The following FMN1 variants were observed in gnomAD, a reference collection of about 807,000 sequenced individuals.
FMN1 encodes formin-1.
Under a neutral mutation model 132.4 loss-of-function variants are expected in FMN1, and 110 were observed. The observed-to-expected ratio is 0.83, with a 90% confidence interval of 0.71 to 0.97. FMN1 has a LOEUF of 0.97. Ranked by LOEUF, FMN1 falls within the 50% of genes least tolerant of loss-of-function variation. FMN1 has a pLI of 0.00. For synonymous variants in FMN1, 722 were observed against 651.7 expected (o/e 1.11, Z -1.64); for missense variants, 1,792 against 1,705.3 (o/e 1.05, Z -0.90).
intron 9 of FMN1, among the ~76,000 whole-genome samples, chr15:32,945,713 G>C (rs184586044): frequency 2.3e-3 from 357 of 152,262 alleles, no homozygotes; most frequent in Middle Eastern, 0.02. Flanking sequence ...CTTTGATTTA[G>C]AGGGTATCCA....
chr15:33,027,810 G>A (rs949557126), intron 6 of FMN1, among the ~76,000 whole-genome samples: 2 of 152,150 alleles, frequency 1.3e-5, no homozygotes, highest in Non-Finnish European at 2.9e-5. Flanking sequence ...CTTGTAGAGG[G>A]TTAGAAATAT....
chr15:33,069,385 T>C (rs1252666884), intron 5 of FMN1, among the ~76,000 whole-genome samples: 2 of 152,202 alleles, frequency 1.3e-5, no homozygotes, highest in Non-Finnish European at 2.9e-5. Context: ...ACTGTTCTGG[T>C]TGGAGAGGCA....
intron 4 of FMN1, among the ~76,000 whole-genome samples, chr15:33,128,737 G>T (rs552927744): frequency 3.3e-5 from 5 of 152,194 alleles, no homozygotes; most frequent in Non-Finnish European, 5.9e-5. Flanking sequence ...TCTTAAAGGT[G>T]ATGTGGTGAA....
chr15:33,077,443 C>T (rs187710223), intron 5 of FMN1, among the ~76,000 whole-genome samples: 226 of 150,866 alleles, frequency 1.5e-3, no homozygotes, highest in African/African-American at 5.1e-3. Flanking sequence ...TATACATGTG[C>T]CACGTTGGTG....
intron 16 of FMN1, among the ~76,000 whole-genome samples, chr15:32,860,268 A>G (rs1044117430): frequency 6.6e-6 from 1 of 151,962 alleles, no homozygotes; most frequent in Non-Finnish European, 1.5e-5. Flanking sequence ...AGGGGAAAGG[A>G]AAGAAAGAAA....
At chr15:32,846,008 A>G (rs1487751656) in intron 17 of FMN1, among the ~76,000 whole-genome samples, 1 of 152,120 alleles carries the variant, frequency 6.6e-6, no homozygotes, top group African/African-American at 2.4e-5. Context: ...AAAATCACAT[A>G]GAAAGGTTAA....
In FMN1 at chr15:32,781,112, T is replaced by C. The variant is rs189493078; in HGVS notation, c.4131-4193A>G. Among the ~76,000 whole-genome samples, 229 of 152,328 alleles carry C rather than the reference T, an allele frequency of 1.5e-3. 2 individuals carry two copies. The highest frequency in any genetic ancestry group is 5.2e-3 in the African/African-American group (215 of 41,582). On this transcript the variant is annotated intron_variant, in intron 19 of 20. Coordinates refer to ENST00000616417, the MANE Select transcript of FMN1 (RefSeq NM_001277313.2). ...AATATATGATGCATGTTAATAGTTA[T>C]AATTCTAGGTAGTGGGAATATGGGT...
At chr15:33,037,828 A>G (rs1384073620) in intron 6 of FMN1, among the ~76,000 whole-genome samples, 1 of 152,258 alleles carries the variant, frequency 6.6e-6, no homozygotes, top group Non-Finnish European at 1.5e-5. Context: ...ATTTTTCTGA[A>G]AAATAACATG....
intron 4 of FMN1, chr15:33,150,186 T>C (rs755256662): frequency 5.7e-5 from 56 of 985,268 alleles, no homozygotes; most frequent in African/African-American, 1.2e-4. Flanking sequence ...AGGGTTTACT[T>C]TGAATCAAAG....
intron 9 of FMN1, among the ~76,000 whole-genome samples, chr15:32,928,736 G>C (rs1244270461): frequency 6.6e-6 from 1 of 152,164 alleles, no homozygotes; most frequent in East Asian, 1.9e-4. Context: ...CACAGGAACA[G>C]GATCAAATTT....
chr15:33,154,653 A>G lies in FMN1; in HGVS notation c.262T>C (p.Tyr88His), dbSNP rs1208823540. 1 of 1,536,100 alleles carries G rather than the reference A, an allele frequency of 6.5e-7. No individual in the cohort carries two copies. The highest frequency in any genetic ancestry group is 2.0e-5 in the Admixed American group (1 of 51,000). ...CTCTCCCTCTCTGTTGTGAGTTTGT[A>G]CAGCTCAGTTAGAATGTCTTTCGTG... ...TPTKDILTEL[Y>H]KLTTERERLL... The change falls in exon 4 of 21, where the codon TAC becomes CAC. Residue 88 changes from tyrosine (Y) to histidine (H), a missense_variant. Around this residue, in one of 3 missense-constraint regions of FMN1, gnomAD observed 638 missense variants for 645.2 expected, o/e 0.99. Transcript: ENST00000616417.
At position 32,953,371 on chromosome 15, in the gene FMN1, C is replaced by T. The variant is rs79311643; in HGVS notation, c.3138+10736G>A. 4.4e-3 allele frequency among the ~76,000 whole-genome samples: 664 copies of T among 152,288 alleles called. 8 individuals are homozygous for T. Among genetic ancestry groups the T allele is most frequent in the African/African-American group, 0.016 (645 of 41,558 alleles). On this transcript the variant is annotated intron_variant, in intron 9 of 20. Transcript: ENST00000616417. The stretch of plus-strand genomic sequence containing the variant: ...TTTTTTAGCTGCTGCACACAGGAAG[C>T]CTCCTGGGCTGAGGCATAACTCAGA...
chr15:32,935,394 T>G (rs970920338), intron 9 of FMN1, among the ~76,000 whole-genome samples: 1 of 152,160 alleles, frequency 6.6e-6, no homozygotes. Context: ...AAAATTCTCT[T>G]TTTTGTCTTT....
chr15:32,907,529 G>A (rs2141642172), intron 12 of FMN1, among the ~76,000 whole-genome samples: 1 of 151,970 alleles, frequency 6.6e-6, no homozygotes, highest in Non-Finnish European at 1.5e-5. Context: ...GCTGGTACCA[G>A]TCTGTGGCCC....
intron 4 of FMN1, among the ~76,000 whole-genome samples, chr15:33,113,798 A>C (rs1231214825): frequency 6.6e-6 from 1 of 152,152 alleles, no homozygotes; most frequent in Non-Finnish European, 1.5e-5. Flanking sequence ...CTCCTTCCAG[A>C]CGGTCTTACA....
chr15:32,984,741 T>C (rs570599701), intron 7 of FMN1, among the ~76,000 whole-genome samples: 162 of 152,126 alleles, frequency 1.1e-3, no homozygotes, highest in African/African-American at 3.9e-3. Flanking sequence ...CTAAGTGAAA[T>C]TCAACATTTT....
At chr15:32,959,798 A>C (rs2030295252) in intron 9 of FMN1, among the ~76,000 whole-genome samples, 1 of 152,270 alleles carries the variant, frequency 6.6e-6, no homozygotes, top group South Asian at 2.1e-4. Flanking sequence ...ATTCACCAAA[A>C]CAGAAGTGAA....
At chr15:33,016,680 G>A (rs11637841) in intron 6 of FMN1, among the ~76,000 whole-genome samples, 7 of 152,256 alleles carry the variant, frequency 4.6e-5, no homozygotes, top group Non-Finnish European at 4.4e-5. Context: ...CCTTCAACCA[G>A]CACACACGTC....
At chr15:32,835,603 G>A (rs1358858802) in intron 17 of FMN1, among the ~76,000 whole-genome samples, 1 of 152,078 alleles carries the variant, frequency 6.6e-6, no homozygotes, top group Non-Finnish European at 1.5e-5. Flanking sequence ...GGAAGGGTTT[G>A]TTTTCAAATA....
Sources: allele counts gnomAD v4.1 joint callset (sites outside exome capture counted in the v4.1 genomes callset), GRCh38; gene constraint gnomAD v4.1.1; regional missense constraint gnomAD v4.1.1; transcripts MANE v1.5; gene names NCBI Gene and HGNC (gene_info 2026-07-23, HGNC 2026-07-21).